The following GRAMD4 variants were observed in gnomAD, a reference collection of about 807,000 sequenced individuals.
GRAMD4 encodes GRAM domain containing 4.
Under a neutral mutation model 83.9 loss-of-function variants are expected in GRAMD4, and 25 were observed. The observed-to-expected ratio is 0.30, with a 90% CI of 0.22 to 0.42. The LOEUF (loss-of-function observed/expected upper bound fraction) is 0.42. GRAMD4 is among the 10% of genes least tolerant of loss of function. The probability of loss-of-function intolerance (pLI) is 1.00; values close to 1 mark genes in which losing one functional copy is unlikely to be tolerated. For synonymous variants in GRAMD4, 336 were observed against 320.9 expected (o/e 1.05, Z -0.50); for missense variants, 593 against 788.7 (o/e 0.75, Z 2.97).
intron 1 of GRAMD4, among the ~76,000 whole-genome samples, chr22:46,594,299 C>T (rs2081239149): frequency 7.0e-6 from 1 of 141,984 alleles, no homozygotes; most frequent in African/African-American, 2.5e-5. Context: ...CCATACCTGC[C>T]TGGTGGGCCC....
intron 8 of GRAMD4, among the ~76,000 whole-genome samples, chr22:46,664,782 T>A (rs889979197): frequency 6.6e-6 from 1 of 152,176 alleles, no homozygotes; most frequent in African/African-American, 2.4e-5. Context: ...AGAGGAGGCG[T>A]CCACAGCCTG....
chr22:46,579,143 A>G (rs1014562280), intron 1 of GRAMD4, among the ~76,000 whole-genome samples: 1 of 152,222 alleles, frequency 6.6e-6, no homozygotes, highest in African/African-American at 2.4e-5. Context: ...GTGTTTCCAC[A>G]TAGCCCTGGG....
intron 3 of GRAMD4, among the ~76,000 whole-genome samples, chr22:46,645,615 A>C (rs1175720912): frequency 2.0e-5 from 3 of 152,174 alleles, no homozygotes; most frequent in Non-Finnish European, 4.4e-5. Context: ...GTTACTCTTC[A>C]TGGAGGAGAG....
intron 1 of GRAMD4, among the ~76,000 whole-genome samples, chr22:46,612,843 C>T (rs1338001065): frequency 2.6e-5 from 4 of 152,214 alleles, no homozygotes; most frequent in Non-Finnish European, 5.9e-5. Flanking sequence ...TTCCCTGACG[C>T]GGTCTCCTGC....
Position 46,676,672 on chromosome 22 carries a change from G to A in GRAMD4, c.1632+4G>A, listed in dbSNP as rs369923987. The A allele has an allele frequency of 1.5e-4, 234 of 1,548,080 alleles. No individual in the cohort carries two copies. In the African/African-American group the frequency reaches 2.8e-3, roughly 18 times the overall value. ...GTCGACGCCATCCACCCAGAAAGTA[G>A]GTGCCGGGCGGGGGGCCGCCAAGGG... is the stretch of plus-strand genomic sequence containing the variant. On this transcript the variant is annotated splice_donor_region_variant and intron_variant, in intron 18 of 18. Coordinates refer to ENST00000406902, the MANE Select transcript of GRAMD4 (RefSeq NM_015124.5).
intron 3 of GRAMD4, among the ~76,000 whole-genome samples, chr22:46,644,866 G>A (rs2082050001): frequency 6.9e-6 from 1 of 145,712 alleles, no homozygotes; most frequent in Admixed American, 7.0e-5. Context: ...CTGAGTAGCA[G>A]GGACTATAGG....
At chr22:46,632,122 T>G (rs1761770689) in intron 2 of GRAMD4, among the ~76,000 whole-genome samples, 1 of 152,182 alleles carries the variant, frequency 6.6e-6, no homozygotes, top group Admixed American at 6.5e-5. Flanking sequence ...TGGGACAAAG[T>G]GGCTGAGAGT....
intron 1 of GRAMD4, among the ~76,000 whole-genome samples, chr22:46,596,684 G>A (rs2081265135): frequency 6.6e-6 from 1 of 152,164 alleles, no homozygotes; most frequent in Non-Finnish European, 1.5e-5. Flanking sequence ...CTGAGTAGCT[G>A]GGACTACAGG....
chr22:46,648,863 C>G (rs375619530), intron 3 of GRAMD4, among the ~76,000 whole-genome samples: 589 of 16,980 alleles, frequency 0.035, 2 homozygotes, highest in South Asian at 0.052. Flanking sequence ...TGGATGGATG[C>G]ATGGATGGAT....
At chr22:46,590,068 T>C (rs2081191879) in intron 1 of GRAMD4, among the ~76,000 whole-genome samples, 4 of 152,134 alleles carry the variant, frequency 2.6e-5, no homozygotes, top group Admixed American at 6.5e-5. Context: ...CTGAGTCTGG[T>C]TGATTCCTGC....
Position 46,672,006 on chromosome 22 carries a change from GC to G in GRAMD4, c.1085-835del, listed in dbSNP as rs1364384648. 1.3e-5 allele frequency among the ~76,000 whole-genome samples: 2 copies of G among 152,258 alleles called. No individual in the cohort carries two copies. Among genetic ancestry groups the G allele is most frequent in the African/African-American group, 4.8e-5 (2 of 41,482 alleles). On this transcript the variant is annotated intron_variant, in intron 13 of 18. Coordinates refer to ENST00000406902, the MANE Select transcript of GRAMD4 (RefSeq NM_015124.5). This position sits in a 1 kb window ranked among gnomAD's most constrained non-coding sequence, Gnocchi z 4.7. ...TGACCCTGGGGCCCCTGCAGGGAGGGCCTGCCACGTCTGGTCTGGTCTGGCG... is the reference window on the plus strand; with the variant it reads ...TGACCCTGGGGCCCCTGCAGGGAGGGCTGCCACGTCTGGTCTGGTCTGGCG...
intron 10 of GRAMD4, 121 bp from the exon 11 acceptor site, chr22:46,667,975 C>A: frequency 2.9e-6 from 2 of 688,418 alleles, no homozygotes; most frequent in Non-Finnish European, 5.1e-6. Context: ...ATGTCCCATC[C>A]CCCCTGGCTG....
At chr22:46,590,552 G>C (rs2081196752) in intron 1 of GRAMD4, among the ~76,000 whole-genome samples, 2 of 152,356 alleles carry the variant, frequency 1.3e-5, no homozygotes, top group Admixed American at 1.3e-4. Flanking sequence ...TCTGCCTGTT[G>C]CTCGTGACTG....
chr22:46,618,273 C>T (rs912253685), upstream of GRAMD4, among the ~76,000 whole-genome samples: 6 of 152,194 alleles, frequency 3.9e-5, no homozygotes, highest in Admixed American at 1.3e-4. This position sits in a 1 kb window ranked among gnomAD's most constrained non-coding sequence, Gnocchi z 5.8. Context: ...GCCCCTGCCC[C>T]GGGGGAGCAC....
chr22:46,590,428 A>G (rs1375311381), intron 1 of GRAMD4, among the ~76,000 whole-genome samples: 1 of 152,148 alleles, frequency 6.6e-6, no homozygotes, highest in Non-Finnish European at 1.5e-5. Flanking sequence ...TGAGCGCTCC[A>G]CTAACCCCGA....
At chr22:46,668,531 C>T (rs2082447461) in intron 11 of GRAMD4, among the ~76,000 whole-genome samples, 158 bp from the exon 12 acceptor site, 2 of 152,162 alleles carry the variant, frequency 1.3e-5, no homozygotes, top group African/African-American at 4.8e-5. Flanking sequence ...CTGCCCTAGA[C>T]CAGAGCTGGG....
At chr22:46,680,561 T>C (rs535407562), downstream of GRAMD4, among the ~76,000 whole-genome samples, 42 of 141,700 alleles carry the variant, frequency 3.0e-4, 1 homozygote, top group African/African-American at 1.1e-3. Flanking sequence ...CGTCCGTCCG[T>C]CCGTCCATCC....
intron 1 of GRAMD4, among the ~76,000 whole-genome samples, chr22:46,626,096 C>T (rs1005950147): frequency 9.2e-5 from 14 of 152,214 alleles, no homozygotes; most frequent in Non-Finnish European, 1.5e-4. Context: ...CGAGTAGGAA[C>T]ACGCTTTAGG....
At chr22:46,652,955 C>A (rs1184546757) in intron 3 of GRAMD4, among the ~76,000 whole-genome samples, 1 of 152,170 alleles carries the variant, frequency 6.6e-6, no homozygotes. Context: ...AGGAGGCAGG[C>A]CGGTGCGATG....
Sources: allele counts gnomAD v4.1 joint callset (sites outside exome capture counted in the v4.1 genomes callset), GRCh38; gene constraint gnomAD v4.1.1; non-coding constraint Gnocchi (gnomAD v3.1); transcripts MANE v1.5; gene names NCBI Gene and HGNC (gene_info 2026-07-23, HGNC 2026-07-21).